Variants in HK1 observed in about 807,000 individuals in gnomAD.
The protein encoded by HK1 is hexokinase-1.
Under a neutral mutation model 91.6 loss-of-function variants are expected in HK1, and 28 were observed. That is an observed-to-expected ratio of 0.31 (90% CI 0.23 to 0.42). The LOEUF is 0.42. HK1 is among the 10% of genes least tolerant of loss of function. The probability of loss-of-function intolerance (pLI) is 1.00; values close to 1 mark genes in which losing one functional copy is unlikely to be tolerated. For missense variants in HK1, 770 were observed against 1,219.8 expected (o/e 0.63, Z 5.49); for synonymous variants, 430 against 468.1 (o/e 0.92, Z 1.05).
At chr10:69,396,543 T>C (rs1341736945) in intron 16 of HK1, among the ~76,000 whole-genome samples, 1 of 123,146 alleles carries the variant, frequency 8.1e-6, no homozygotes, top group Non-Finnish European at 1.6e-5. Flanking sequence ...CTACTCTCTG[T>C]CTCTATGGAT....
chr10:69,283,724 C>G (rs1262281889), intron 2 of HK1, among the ~76,000 whole-genome samples: 1 of 131,220 alleles, frequency 7.6e-6, no homozygotes, highest in African/African-American at 2.9e-5. Context: ...GAGGCTGCAA[C>G]AAGAGGTTGC....
chr10:69,276,116 AAAATAC>A lies in HK1; in HGVS notation c.-391+6010_-391+6015del, dbSNP rs1844438529. On this transcript the variant is annotated intron_variant, in intron 1 of 21. Coordinates refer to the HK1 transcript ENST00000360289. ...AAAAAAAAAAAAAAAAAAAAAAAAA[AAAATAC>A]ATATATATATATATATACACATATA... is the stretch of plus-strand genomic sequence containing the variant. Among the ~76,000 whole-genome samples, 5 of 42,564 alleles carry A rather than the reference AAAATAC, an allele frequency of 1.2e-4. No individual in the cohort carries two copies. The South Asian group carries it at 3.5e-3, about 30-fold the overall frequency. The allele number at this position is 42,564 out of a possible 152,430, so 27.9% of individuals were successfully genotyped here. A position where few individuals can be genotyped will look rare whatever the true frequency, so the allele number is the denominator to read the frequency against.
intron 17 of HK1, among the ~76,000 whole-genome samples, chr10:69,399,740 T>C (rs1840304869): frequency 6.6e-6 from 1 of 152,046 alleles, no homozygotes; most frequent in African/African-American, 2.4e-5. Context: ...ATGAATAGGG[T>C]GACCATATTA....
At chr10:69,292,308 A>G in intron 3 of HK1, 1 of 434,692 alleles carries the variant, frequency 2.3e-6, no homozygotes, top group Non-Finnish European at 4.6e-6. Flanking sequence ...CCTGGCGTCA[A>G]GTGATCCTCC....
intron 1 of HK1, among the ~76,000 whole-genome samples, chr10:69,274,533 G>A (rs560654270): frequency 3.3e-5 from 5 of 151,856 alleles, no homozygotes; most frequent in Admixed American, 1.3e-4. Flanking sequence ...AGGAGGCAGA[G>A]GTTGCTGCGA....
intron 1 of HK1, among the ~76,000 whole-genome samples, chr10:69,339,263 A>G (rs10823347): frequency 0.34 from 51,792 of 152,130 alleles, 9,949 homozygotes; most frequent in African/African-American, 0.51. Flanking sequence ...AGTGTGGCAG[A>G]TACCAGGGAG....
rs1846833831 is a variant in HK1 at position 69,318,930 on chromosome 10, G to A, written c.-18G>A. 1.3e-6 allele frequency: 2 copies of A among 1,579,198 alleles called. No individual in the cohort carries two copies. The highest frequency in any genetic ancestry group is 1.4e-5 in the African/African-American group (1 of 73,672). On this transcript the variant is annotated 5_prime_UTR_variant, in exon 1 of 18. Transcript: ENST00000359426. ...CGACCGTCCCCACGCCTGCCGCCCC[G>A]CGACCCCGACCGCCAGCATGATCGC... is the stretch of plus-strand genomic sequence containing the variant.
upstream of HK1, chr10:69,317,991 T>C: frequency 3.2e-6 from 3 of 938,392 alleles, no homozygotes; most frequent in Non-Finnish European, 3.8e-6. Flanking sequence ...CGCTGAACCG[T>C]GCCCCAAGTC....
intron 4 of HK1, among the ~76,000 whole-genome samples, chr10:69,367,185 T>A (rs932325289): frequency 1.5e-4 from 22 of 151,708 alleles, no homozygotes; most frequent in Admixed American, 1.4e-3. Context: ...AGGTGGGGGG[T>A]GTCCACCTGC....
In HK1 at chr10:69,342,016, C is replaced by T. The variant is rs547725434; in HGVS notation, c.64-1811C>T. Among the ~76,000 whole-genome samples, 16 of 151,998 alleles carry T rather than the reference C, an allele frequency of 1.1e-4. 1 individual carries two copies. Among genetic ancestry groups the T allele is most frequent in the African/African-American group, 2.4e-4 (10 of 41,422 alleles). On this transcript the variant is annotated intron_variant, in intron 1 of 17. Coordinates refer to ENST00000359426, the MANE Select transcript of HK1 (RefSeq NM_000188.3). ...TACAAAAATTAGCAGGGCGTGGTGG[C>T]GCACGCCTGTAATCCCAGCCACTCA...
chr10:69,386,163 G>A (rs1839619914), intron 12 of HK1, among the ~76,000 whole-genome samples, 160 bp from the exon 13 acceptor site: 1 of 152,210 alleles, frequency 6.6e-6, no homozygotes, highest in South Asian at 2.1e-4. Context: ...GGTGAGGAGG[G>A]TCTATTCATA....
chr10:69,282,980 G>T (rs193195748), intron 2 of HK1, among the ~76,000 whole-genome samples: 1 of 148,784 alleles, frequency 6.7e-6, no homozygotes, highest in African/African-American at 2.5e-5. Context: ...AAAAAAATTA[G>T]CTGGGTATGG....
chr10:69,400,889 AATC>A (rs779197018), intron 17 of HK1, 99 bp from the exon 18 acceptor site: 56 of 1,256,818 alleles, frequency 4.5e-5, no homozygotes, highest in Non-Finnish European at 6.1e-5. Flanking sequence ...TCCTAAGTCG[AATC>A]ATCACCAGTC....
chr10:69,336,004 A>T (rs1005725118), intron 1 of HK1, among the ~76,000 whole-genome samples: 1 of 152,228 alleles, frequency 6.6e-6, no homozygotes, highest in African/African-American at 2.4e-5. Flanking sequence ...AGAACCATCC[A>T]TCTCTTTATG....
chr10:69,284,370 T>C (rs1844913179), intron 2 of HK1, among the ~76,000 whole-genome samples: 2 of 152,174 alleles, frequency 1.3e-5, no homozygotes, highest in African/African-American at 4.8e-5. Flanking sequence ...AGACAGGAAG[T>C]ATTCAATAAA....
intron 1 of HK1, among the ~76,000 whole-genome samples, chr10:69,334,158 C>T (rs902947124): frequency 1.6e-4 from 24 of 152,036 alleles, no homozygotes; most frequent in African/African-American, 5.6e-4. Context: ...ATTTGTTGTG[C>T]GTAAACAGAG....
intron 1 of HK1, among the ~76,000 whole-genome samples, chr10:69,330,904 A>G (rs184276412): frequency 6.8e-6 from 1 of 148,140 alleles, no homozygotes; most frequent in East Asian, 2.0e-4. Context: ...TTTTTGAGAC[A>G]GTTCTCGCTG....
intron 1 of HK1, among the ~76,000 whole-genome samples, chr10:69,277,973 C>A (rs1164825354): frequency 1.3e-5 from 2 of 151,634 alleles, no homozygotes; most frequent in Non-Finnish European, 1.5e-5. Flanking sequence ...GCGAAGGTTG[C>A]AGTGAGCCGA....
chr10:69,294,053 G>T (rs1589445036), intron 3 of HK1, among the ~76,000 whole-genome samples: 1 of 151,882 alleles, frequency 6.6e-6, no homozygotes, highest in East Asian at 1.9e-4. Flanking sequence ...AGTAGAGACG[G>T]GGTTTCACCG....
Sources: allele counts gnomAD v4.1 joint callset (sites outside exome capture counted in the v4.1 genomes callset), GRCh38; gene constraint gnomAD v4.1.1; transcripts MANE v1.5; gene names NCBI Gene and HGNC (gene_info 2026-07-23, HGNC 2026-07-21).